NPAS3: variants seen among roughly 807,000 people sequenced by gnomAD.
The protein encoded by NPAS3 is neuronal PAS domain-containing protein 3.
NPAS3 carries 14 observed loss-of-function variants against 73.1 expected under a neutral mutation model. The ratio of observed to expected loss-of-function variants is 0.19; its 90% CI spans 0.13 to 0.30. The LOEUF (loss-of-function observed/expected upper bound fraction) is 0.30. Among genes scored for constraint, NPAS3 ranks in the 10% least tolerant of loss-of-function variants. NPAS3 has a pLI of 1.00. For synonymous variants in NPAS3, 620 were observed against 541.5 expected, an observed-to-expected ratio of 1.14 and a Z score of -2.01; for missense variants, 1,096 against 1,250.0, an observed-to-expected ratio of 0.88 and a Z score of 1.86.
chr14:32,968,974 G>A (rs1310453099), intron 1 of NPAS3, among the ~76,000 whole-genome samples: 1 of 152,136 alleles, frequency 6.6e-6, no homozygotes, highest in East Asian at 1.9e-4. Flanking sequence ...TACCCTCCAT[G>A]TGTCCATGTG....
intron 4 of NPAS3, among the ~76,000 whole-genome samples, chr14:33,523,542 C>T (rs981427484): frequency 9.9e-5 from 15 of 150,988 alleles, no homozygotes; most frequent in African/African-American, 3.6e-4. Context: ...GCAGATGGAT[C>T]ACCTGAGGTC....
intron 3 of NPAS3, among the ~76,000 whole-genome samples, chr14:33,298,103 G>A (rs1014767384): frequency 8.5e-5 from 13 of 152,142 alleles, no homozygotes; most frequent in Admixed American, 2.0e-4. Context: ...CCAACATGGT[G>A]AAACCCCGTC....
At chr14:33,162,971 C>A (rs1487538461) in intron 2 of NPAS3, among the ~76,000 whole-genome samples, 2 of 152,180 alleles carry the variant, frequency 1.3e-5, no homozygotes, top group Non-Finnish European at 2.9e-5. Flanking sequence ...AAATACAGAT[C>A]TTTGAAATCA....
intron 4 of NPAS3, among the ~76,000 whole-genome samples, chr14:33,367,607 C>T (rs1443348395): frequency 1.3e-5 from 2 of 150,822 alleles, no homozygotes; most frequent in South Asian, 4.2e-4. Flanking sequence ...GTCTTTGGAG[C>T]TATATATTGT....
chr14:33,204,204 T>G (rs1028629693), intron 2 of NPAS3, among the ~76,000 whole-genome samples: 1 of 152,182 alleles, frequency 6.6e-6, no homozygotes, highest in African/African-American at 2.4e-5. Flanking sequence ...TCCTATGTTG[T>G]CTCACTTTAA....
At chr14:33,786,432 A>C (rs1002647295) in intron 9 of NPAS3, among the ~76,000 whole-genome samples, 1 of 152,254 alleles carries the variant, frequency 6.6e-6, no homozygotes, top group Admixed American at 6.5e-5. Context: ...GATTGCCTCC[A>C]GAAGCACAGG....
At chr14:33,538,778 G>A (rs2054369766) in intron 4 of NPAS3, among the ~76,000 whole-genome samples, 1 of 152,146 alleles carries the variant, frequency 6.6e-6, no homozygotes, top group Non-Finnish European at 1.5e-5. Context: ...TGAGAAAGCA[G>A]TTCCCCTGTA....
In NPAS3 at chr14:33,800,196, T is replaced by G. The variant is rs2063653043; in HGVS notation, c.1889T>G (p.Leu630Arg). The change falls in exon 12 of 12, where the codon CTG (leucine) becomes CGG (arginine). Residue 630 changes from leucine (L) to arginine (R), a missense_variant. Physicochemically the swap from Leu to Arg is moderately radical, Grantham distance 102 (BLOSUM62 -2). Around this residue, in one of 5 missense-constraint regions of NPAS3, gnomAD observed 698 missense variants for 676.7 expected, o/e 1.03. Transcript: ENST00000356141. This position sits in a 1 kb window ranked among gnomAD's most constrained non-coding sequence, Gnocchi z 6.5. ...AGCCCAGGCGGCCTGGACGCGGGCC[T>G]GGTGGAGCCCCCGCGGCTGCTGTCC... The G allele has an allele frequency of 6.2e-7, 1 of 1,611,980 alleles. No homozygotes were observed. Among genetic ancestry groups the G allele is most frequent in the African/African-American group, 1.3e-5 (1 of 74,988 alleles).
intron 5 of NPAS3, among the ~76,000 whole-genome samples, chr14:33,588,803 G>A (rs533653499): frequency 3.9e-5 from 6 of 152,156 alleles, no homozygotes; most frequent in African/African-American, 9.6e-5. Flanking sequence ...TTTTAGTAGC[G>A]ACTGGATTTC....
chr14:33,084,934 G>A (rs12147530), intron 2 of NPAS3, among the ~76,000 whole-genome samples: 13,947 of 152,194 alleles, frequency 0.092, 866 homozygotes, highest in Non-Finnish European at 0.15. Context: ...ATGTTTTGGC[G>A]TAAGATATGA....
chr14:33,003,707 A>C (rs528411073), intron 1 of NPAS3, among the ~76,000 whole-genome samples: 1 of 152,342 alleles, frequency 6.6e-6, no homozygotes, highest in East Asian at 1.9e-4. Flanking sequence ...TAAGATTATT[A>C]TGTGATTCAT....
chr14:33,761,204 A>G (rs1566509988), intron 7 of NPAS3, among the ~76,000 whole-genome samples: 1 of 152,204 alleles, frequency 6.6e-6, no homozygotes, highest in Non-Finnish European at 1.5e-5. Context: ...TCCTAACACA[A>G]CTTTTCCAGC....
intron 1 of NPAS3, among the ~76,000 whole-genome samples, chr14:32,950,895 T>C (rs2036456919): frequency 6.6e-6 from 1 of 152,108 alleles, no homozygotes; most frequent in Non-Finnish European, 1.5e-5. Context: ...AGTAGAGAGC[T>C]CTCAAAGTCA....
In NPAS3 at chr14:33,710,131, T is replaced by C. The variant is rs112024842; in HGVS notation, c.734-25083T>C. On this transcript the variant is annotated intron_variant, in intron 6 of 11. Coordinates refer to ENST00000356141, the Ensembl canonical transcript of NPAS3. ...GCAAATTTAATCTCTGCTCATGTGA[T>C]AGGAAGTTACTAACACAATGCGACT... 1.2e-3 allele frequency among the ~76,000 whole-genome samples: 177 copies of C among 152,342 alleles called. 1 individual carries two copies. The highest frequency in any genetic ancestry group is 2.2e-3 in the Non-Finnish European group (149 of 68,020).
intron 5 of NPAS3, among the ~76,000 whole-genome samples, chr14:33,667,632 C>A (rs1202829860): frequency 6.6e-6 from 1 of 152,138 alleles, no homozygotes; most frequent in Non-Finnish European, 1.5e-5. Context: ...AGAAGATAAC[C>A]TCAAACCCTA....
At chr14:33,174,088 A>G (rs761755652) in intron 2 of NPAS3, among the ~76,000 whole-genome samples, 3 of 152,210 alleles carry the variant, frequency 2.0e-5, no homozygotes, top group Non-Finnish European at 2.9e-5. Flanking sequence ...ATAGTGTGTT[A>G]TGCTCTCTTT....
intron 3 of NPAS3, among the ~76,000 whole-genome samples, chr14:33,272,884 C>T (rs1283540677): frequency 1.3e-5 from 2 of 152,166 alleles, no homozygotes; most frequent in African/African-American, 2.4e-5. Context: ...GAATCGAAAT[C>T]TCTTTACAAT....
At chr14:33,683,246 C>G (rs2059990336) in intron 6 of NPAS3, among the ~76,000 whole-genome samples, 1 of 151,778 alleles carries the variant, frequency 6.6e-6, no homozygotes. Context: ...TCCAAATCTT[C>G]TATTGAAGGT....
chr14:33,445,247 T>C (rs2139321310), intron 4 of NPAS3, among the ~76,000 whole-genome samples: 1 of 152,354 alleles, frequency 6.6e-6, no homozygotes, highest in South Asian at 2.1e-4. Flanking sequence ...TATTCTCCTT[T>C]ATGCTAATAT....
Sources: gnomAD v4.1 joint callset for allele counts (sites outside exome capture counted in the v4.1 genomes callset) on GRCh38, gnomAD v4.1.1 for gene constraint, gnomAD v4.1.1 regional missense constraint, Gnocchi (gnomAD v3.1) non-coding constraint, MANE v1.5 for transcripts, NCBI Gene and HGNC (gene_info 2026-07-23, HGNC 2026-07-21) for gene names.